The following PSMB7 variants were observed in gnomAD, a reference collection of about 807,000 sequenced individuals.
PSMB7 encodes proteasome subunit beta type-7.
A neutral mutation model predicts 28.1 loss-of-function variants in PSMB7; 5 were observed. That is an observed-to-expected ratio of 0.18 (90% CI 0.09 to 0.37). The LOEUF (loss-of-function observed/expected upper bound fraction) is 0.37, where lower values mean the gene tolerates loss of function less well. PSMB7 is among the 10% of genes least tolerant of loss of function. The pLI is 1.00. For missense variants in PSMB7, 275 were observed against 346.2 expected (o/e 0.79, Z 1.63); for synonymous variants, 122 against 123.7 (o/e 0.99, Z 0.09).
At chr9:124,365,681 C>T (rs1830500677) in intron 6 of PSMB7, among the ~76,000 whole-genome samples, 1 of 152,168 alleles carries the variant, frequency 6.6e-6, no homozygotes, top group Non-Finnish European at 1.5e-5. Flanking sequence ...ACCTGTGACC[C>T]TGTAACGCTG....
At chr9:124,362,491 T>C (rs1265483907) in intron 6 of PSMB7, among the ~76,000 whole-genome samples, 1 of 152,254 alleles carries the variant, frequency 6.6e-6, no homozygotes. Flanking sequence ...TTTCCCTGTG[T>C]CTTTCTGAAT....
intron 6 of PSMB7, among the ~76,000 whole-genome samples, chr9:124,363,413 A>G: frequency 6.6e-6 from 1 of 152,258 alleles, no homozygotes; most frequent in Non-Finnish European, 1.5e-5. Flanking sequence ...TCTCCGCGAA[A>G]GCAGCATGCT....
At chr9:124,399,925 T>C (rs1282766211) in intron 5 of PSMB7, among the ~76,000 whole-genome samples, 1 of 152,070 alleles carries the variant, frequency 6.6e-6, no homozygotes, top group African/African-American at 2.4e-5. Flanking sequence ...AATCCTCTCA[T>C]TCCCTGGCTT....
chr9:124,364,291 C>T (rs1239795295), intron 6 of PSMB7, among the ~76,000 whole-genome samples: 1 of 152,150 alleles, frequency 6.6e-6, no homozygotes, highest in Non-Finnish European at 1.5e-5. Flanking sequence ...TAGTGCCTGG[C>T]ACCACCAAAG....
chr9:124,404,056 T>TTA (rs1194186560), intron 5 of PSMB7, among the ~76,000 whole-genome samples: 4 of 151,776 alleles, frequency 2.6e-5, no homozygotes, highest in Non-Finnish European at 4.4e-5. Flanking sequence ...CACACTCAGC[T>TTA]TATATATATA....
intron 5 of PSMB7, among the ~76,000 whole-genome samples, chr9:124,388,381 A>T (rs1329675213): frequency 1.3e-5 from 2 of 152,242 alleles, no homozygotes; most frequent in East Asian, 3.8e-4. Context: ...TCCATGAGCA[A>T]GGGTGAGGCC....
chr9:124,391,010 A>G (rs534864566), intron 5 of PSMB7, among the ~76,000 whole-genome samples: 2 of 152,212 alleles, frequency 1.3e-5, no homozygotes, highest in African/African-American at 4.8e-5. Flanking sequence ...ACCGTCTTAG[A>G]GGTACAATCA....
At chr9:124,413,274 C>A (rs1831049141) in intron 3 of PSMB7, among the ~76,000 whole-genome samples, 1 of 149,724 alleles carries the variant, frequency 6.7e-6, no homozygotes, top group Non-Finnish European at 1.5e-5. Context: ...TAGAATCTCA[C>A]ATAAGCAACG....
chr9:124,404,380 A>G (rs1485800446), intron 5 of PSMB7, among the ~76,000 whole-genome samples: 1 of 152,218 alleles, frequency 6.6e-6, no homozygotes, highest in Non-Finnish European at 1.5e-5. Flanking sequence ...TTGTGTAACT[A>G]TAGTACAATA....
intron 4 of PSMB7, among the ~76,000 whole-genome samples, chr9:124,409,150 C>G (rs1188629719): frequency 6.6e-6 from 1 of 152,064 alleles, no homozygotes. Flanking sequence ...TTACCATGAA[C>G]ATGTACTAGC....
intron 6 of PSMB7, among the ~76,000 whole-genome samples, chr9:124,358,261 T>C (rs1321826670): frequency 6.6e-6 from 1 of 152,148 alleles, no homozygotes; most frequent in Non-Finnish European, 1.5e-5. Flanking sequence ...GCCTGCCCCA[T>C]GCCAGACTAG....
chr9:124,377,004 T>A (rs894685050), intron 6 of PSMB7, among the ~76,000 whole-genome samples: 9 of 152,254 alleles, frequency 5.9e-5, no homozygotes, highest in African/African-American at 2.2e-4. Flanking sequence ...TAAGAAGGCC[T>A]GTATCTATCT....
intron 4 of PSMB7, 32 bp downstream of exon 4, chr9:124,412,320 T>C (rs761328870): frequency 1.2e-6 from 2 of 1,604,522 alleles, no homozygotes; most frequent in Non-Finnish European, 1.7e-6. Context: ...GAGAAGAAGA[T>C]ACTAGTAGGA....
intron 4 of PSMB7, among the ~76,000 whole-genome samples, chr9:124,409,376 A>G (rs1831002364): frequency 6.6e-6 from 1 of 152,260 alleles, no homozygotes; most frequent in Non-Finnish European, 1.5e-5. Flanking sequence ...AATAGTTTCT[A>G]GAACACACAA....
chr9:124,402,017 T>TAAA (rs1830914709), intron 5 of PSMB7, among the ~76,000 whole-genome samples: 1 of 101,602 alleles, frequency 9.8e-6, no homozygotes, highest in African/African-American at 3.0e-5. Context: ...AGACTCAGTC[T>TAAA]CAAAAAAAAA....
chr9:124,369,673 C>G (rs1349668706), intron 6 of PSMB7, among the ~76,000 whole-genome samples: 1 of 152,196 alleles, frequency 6.6e-6, no homozygotes, highest in African/African-American at 2.4e-5. Flanking sequence ...GTCCCAACTT[C>G]CAGGACTGCA....
chr9:124,413,741 G>C (rs1192126618), intron 3 of PSMB7, among the ~76,000 whole-genome samples, 167 bp downstream of exon 3: 1 of 152,244 alleles, frequency 6.6e-6, no homozygotes, highest in Non-Finnish European at 1.5e-5. Context: ...GAAGCAAAGA[G>C]AGGACTTGAA....
intron 6 of PSMB7, among the ~76,000 whole-genome samples, chr9:124,367,479 GTTAC>G (rs964544661): frequency 1.3e-5 from 2 of 151,906 alleles, no homozygotes; most frequent in African/African-American, 2.4e-5. Context: ...TAAACTCTCT[GTTAC>G]TTAGGTGGGA....
intron 6 of PSMB7, chr9:124,383,599 GAAC>G (rs1313475774): frequency 6.6e-6 from 1 of 152,126 alleles, no homozygotes; most frequent in African/African-American, 2.4e-5. Context: ...GATGACGGAA[GAAC>G]AAAATATTTT....
Sources: gnomAD v4.1 joint callset for allele counts (sites outside exome capture counted in the v4.1 genomes callset) on GRCh38, gnomAD v4.1.1 for gene constraint, MANE v1.5 for transcripts, NCBI Gene and HGNC (gene_info 2026-07-23, HGNC 2026-07-21) for gene names.